Variants in HPS5 observed in about 807,000 individuals in gnomAD.
The protein encoded by HPS5 is HPS5 biogenesis of lysosomal organelles complex 2 subunit 2.
Under a neutral mutation model 128.0 loss-of-function variants are expected in HPS5, and 83 were observed. That is an observed-to-expected ratio of 0.65 (90% CI 0.54 to 0.78). The LOEUF is 0.78. Ranked by LOEUF, HPS5 falls within the 30% of genes least tolerant of loss-of-function variation. The pLI, the probability that HPS5 is intolerant of heterozygous loss-of-function variation, is 0.00. For synonymous variants in HPS5, 475 were observed against 470.2 expected (o/e 1.01, Z -0.13); for missense variants, 1,281 against 1,326.2 (o/e 0.97, Z 0.53).
Position 18,292,026 on chromosome 11 carries a change from A to G in HPS5, c.1863-7T>C, listed in dbSNP as rs1860468182. 1.9e-6 allele frequency: 3 copies of G among 1,599,674 alleles called. No homozygotes were observed. Among genetic ancestry groups the G allele is most frequent in the Admixed American group, 1.7e-5 (1 of 59,886 alleles). On this transcript the variant is annotated splice_polypyrimidine_tract_variant and splice_region_variant and intron_variant, in intron 15 of 22. Coordinates refer to ENST00000349215, the MANE Select transcript of HPS5 (RefSeq NM_181507.2). ...AGGGTCCTGTAGCTTGGTCCTATACAAGACAGACAAGTATGAAATTCATGT... is the reference window on the plus strand; with the variant it reads ...AGGGTCCTGTAGCTTGGTCCTATACGAGACAGACAAGTATGAAATTCATGT...
At chr11:18,280,002 A>T (rs1858660926) in intron 22 of HPS5, 60 bp from the exon 23 acceptor site, 6 of 1,501,938 alleles carry the variant, frequency 4.0e-6, no homozygotes, top group Non-Finnish European at 5.6e-6. Context: ...TCTTCACAGA[A>T]AACTTAAAAA....
chr11:18,300,711 A>G, intron 9 of HPS5, 117 bp downstream of exon 9: 2 of 575,070 alleles, frequency 3.5e-6, no homozygotes, highest in Non-Finnish European at 6.3e-6. Flanking sequence ...AAAAAAAAAA[A>G]AAAAAAAAAG....
intron 22 of HPS5, among the ~76,000 whole-genome samples, chr11:18,281,647 G>A (rs964888206): frequency 2.0e-5 from 3 of 151,624 alleles, no homozygotes; most frequent in South Asian, 2.1e-4. Flanking sequence ...CTCATGATCC[G>A]CCCACCTCGG....
chr11:18,311,690 T>C (rs888618228), intron 3 of HPS5: 3 of 567,000 alleles, frequency 5.3e-6, no homozygotes, highest in Non-Finnish European at 9.4e-6. Context: ...TTTGTGTTTT[T>C]AGTGGAGACG....
intron 9 of HPS5, 122 bp downstream of exon 9, chr11:18,300,696 CAAAAAAAAAA>C: frequency 1.4e-4 from 53 of 387,342 alleles, no homozygotes; most frequent in Non-Finnish European, 1.5e-4. Context: ...GACTTAGTCT[CAAAAAAAAAA>C]AAAAAAAAAA....
chr11:18,316,178 C>T (rs1041518556), intron 2 of HPS5, among the ~76,000 whole-genome samples: 1 of 151,928 alleles, frequency 6.6e-6, no homozygotes, highest in African/African-American at 2.4e-5. Context: ...ATGTTTAGTC[C>T]CAGCTGCTCA....
At chr11:18,292,045 T>C in intron 15 of HPS5, 26 bp from the exon 16 acceptor site, 2 of 1,556,006 alleles carry the variant, frequency 1.3e-6, no homozygotes, top group Non-Finnish European at 1.8e-6. Context: ...AAGTATGAAA[T>C]TCATGTGTCA....
intron 19 of HPS5, among the ~76,000 whole-genome samples, 196 bp downstream of exon 19, chr11:18,286,395 G>A (rs1259612438): frequency 1.3e-5 from 2 of 152,048 alleles, no homozygotes; most frequent in Admixed American, 6.6e-5. Context: ...AAATTAGCCG[G>A]GCAGAGTGGT....
chr11:18,286,946 A>T, intron 18 of HPS5: 1 of 615,048 alleles, frequency 1.6e-6, no homozygotes, highest in Non-Finnish European at 2.8e-6. Flanking sequence ...GAGAGAAAGA[A>T]AGAGACAAAT....
rs756456249 is a variant in HPS5 at position 18,295,182 on chromosome 11, T to C, written c.1635-13A>G. On this transcript the variant is annotated splice_polypyrimidine_tract_variant and intron_variant, in intron 13 of 22. Transcript: ENST00000349215. ...AAAGCTAGAAACACTAGAAGTCAAA[T>C]AACAAAAAACTAACATGAATAAAAA... The C allele has an allele frequency of 4.3e-6, 7 of 1,612,552 alleles. 1 individual carries two copies. Among genetic ancestry groups the C allele is most frequent in the Admixed American group, 1.7e-5 (1 of 59,826 alleles).
intron 1 of HPS5, among the ~76,000 whole-genome samples, chr11:18,318,965 A>G (rs1006895626): frequency 1.3e-5 from 2 of 152,032 alleles, no homozygotes; most frequent in Admixed American, 6.5e-5. Flanking sequence ...TTTTTATTGC[A>G]CACACATAAC....
At position 18,282,000 on chromosome 11, in the gene HPS5, C is replaced by T. The variant is rs1351575765; in HGVS notation, c.3279G>A (p.Glu1093=). 6.2e-7 allele frequency: 1 copy of T among 1,614,218 alleles called. No homozygotes were observed. The highest frequency in any genetic ancestry group is 1.1e-5 in the South Asian group (1 of 91,080). The change falls in exon 22 of 23, where the codon GAG becomes GAA. Residue 1093 remains glutamate, a synonymous_variant. Coordinates refer to ENST00000349215, the MANE Select transcript of HPS5 (RefSeq NM_181507.2). ...GGATATCGCAGGTTCTGGTAAACTTCTCTGACAACTCAAGGGCCAGACCAC... is the reference window on the plus strand; with the variant it reads ...GGATATCGCAGGTTCTGGTAAACTTTTCTGACAACTCAAGGGCCAGACCAC... ...QECGLALELS[E]KFTRTCDILR... is the part of the protein sequence containing the mutation.
intron 14 of HPS5, among the ~76,000 whole-genome samples, chr11:18,294,514 G>A (rs1165465542): frequency 6.6e-6 from 1 of 152,090 alleles, no homozygotes; most frequent in African/African-American, 2.4e-5. Context: ...ATACTCCTGT[G>A]AGATCCCAGA....
In HPS5 at chr11:18,279,596, C is replaced by A; in HGVS notation, c.*286G>T. ...GTTAATACTGTAGTTCGGAATAATA[C>A]TAGGACATTAACATTCTAATTCCAG... is the stretch of plus-strand genomic sequence containing the variant. On this transcript the variant is annotated 3_prime_UTR_variant, in exon 23 of 23. Coordinates refer to ENST00000349215, the MANE Select transcript of HPS5 (RefSeq NM_181507.2). 1 of 470,364 alleles carries A rather than the reference C, an allele frequency of 2.1e-6. No individual in the cohort carries two copies. The highest frequency in any genetic ancestry group is 3.9e-6 in the Non-Finnish European group (1 of 257,836). The allele number at this position is 470,364 out of a possible 1,614,324, so 29.1% of individuals were successfully genotyped here.
intron 19 of HPS5, 107 bp from the exon 20 acceptor site, chr11:18,285,566 C>T (rs1049225115): frequency 2.6e-6 from 2 of 764,908 alleles, no homozygotes; most frequent in Non-Finnish European, 4.4e-6. Context: ...TCTATTACTA[C>T]ATTTTAAAAA....
At chr11:18,310,350 G>C (rs1352089031) in intron 5 of HPS5, among the ~76,000 whole-genome samples, 1 of 152,134 alleles carries the variant, frequency 6.6e-6, no homozygotes, top group Non-Finnish European at 1.5e-5. Context: ...TTCTACACAA[G>C]AAGCAGAGAA....
chr11:18,286,672 A>G lies in HPS5; in HGVS notation c.2756T>C (p.Leu919Ser), dbSNP rs765983446. 18 of 1,614,036 alleles carry G rather than the reference A, an allele frequency of 1.1e-5. No individual in the cohort carries two copies. The South Asian group carries it at 2.0e-4, about 18-fold the overall frequency. Residue 919 changes from leucine (L) to serine (S), a missense_variant, in exon 19 of 23, where the codon TTA becomes TCA. Transcript: ENST00000349215. Reference sequence around the variant, plus strand: ...TGCCAAAAGCAGCCAATCCAACCTTAAAGACTCTGGTTGCAGAAGGGACTC... The same window carrying G: ...TGCCAAAAGCAGCCAATCCAACCTTGAAGACTCTGGTTGCAGAAGGGACTC... Reference protein sequence around the residue: ...FLESLLQPESLRLDWLLLAVS... With the variant: ...FLESLLQPESSRLDWLLLAVS...
rs1305026726 is a variant in HPS5, at chr11:18,295,068, C to T, written c.1736G>A (p.Cys579Tyr). The T allele has an allele frequency of 1.2e-6, 2 of 1,614,084 alleles. No individual in the cohort carries two copies. The highest frequency in any genetic ancestry group is 1.7e-6 in the Non-Finnish European group (2 of 1,180,040). Residue 579 changes from cysteine (C) to tyrosine (Y), a missense_variant, in exon 14 of 23, where the codon TGT (cysteine) becomes TAT (tyrosine). Transcript: ENST00000349215. ...GGTATCTGAACTCACATCCTCTTCACATGATTGCTCATCACCCCTGAGCTC... is the reference window on the plus strand; with the variant it reads ...GGTATCTGAACTCACATCCTCTTCATATGATTGCTCATCACCCCTGAGCTC... ...RPELRGDEQS[C>Y]EEDVSSDTCP...
intron 8 of HPS5, among the ~76,000 whole-genome samples, chr11:18,302,860 G>A (rs1237212352): frequency 1.7e-5 from 2 of 115,640 alleles, no homozygotes; most frequent in African/African-American, 3.4e-5. Flanking sequence ...CTGAGAAAGA[G>A]ATACAGGATC....
Sources: allele counts gnomAD v4.1 joint callset (sites outside exome capture counted in the v4.1 genomes callset), GRCh38; gene constraint gnomAD v4.1.1; transcripts MANE v1.5; gene names NCBI Gene and HGNC (gene_info 2026-07-23, HGNC 2026-07-21).